Variants in BCKDHB observed in about 807,000 individuals in gnomAD.
The protein encoded by BCKDHB is branched chain keto acid dehydrogenase E1 subunit beta.
BCKDHB carries 41 observed loss-of-function variants against 48.5 expected under a neutral mutation model. The observed-to-expected ratio is 0.85, with a 90% CI of 0.66 to 1.10. The LOEUF is 1.10. Ranked by LOEUF, BCKDHB falls within the 50% of genes least tolerant of loss-of-function variation. The pLI is 0.00. For missense variants in BCKDHB, 496 were observed against 494.2 expected, an observed-to-expected ratio of 1.00 and a Z score of -0.03; for synonymous variants, 201 against 174.8, an observed-to-expected ratio of 1.15 and a Z score of -1.18.
At chr6:80,349,514 A>C (rs201455924), downstream of BCKDHB, among the ~76,000 whole-genome samples, 1 of 152,190 alleles carries the variant, frequency 6.6e-6, no homozygotes, top group East Asian at 1.9e-4. Flanking sequence ...ATTAATAAGA[A>C]AGAACTTAGA....
At chr6:80,249,532 G>A (rs1776751029) in intron 8 of BCKDHB, among the ~76,000 whole-genome samples, 1 of 152,100 alleles carries the variant, frequency 6.6e-6, no homozygotes, top group Admixed American at 6.6e-5. Context: ...GGGTGACCAG[G>A]ACATGTTGTA....
At chr6:80,271,543 G>A (rs982584898) in intron 8 of BCKDHB, among the ~76,000 whole-genome samples, 6 of 152,112 alleles carry the variant, frequency 3.9e-5, no homozygotes, top group Non-Finnish European at 7.4e-5. Context: ...ATTTGATTTT[G>A]GATAGGCCTG....
rs190162887 is a variant in BCKDHB, at chr6:80,271,319, A to C, written c.952-1816A>C. Among the ~76,000 whole-genome samples, 68 of 152,244 alleles carry C rather than the reference A, an allele frequency of 4.5e-4. No homozygotes were observed. In the East Asian group the frequency reaches 0.011, roughly 25 times the overall value. ...TATGTTGATGCATATTGGTCTATTT[A>C]GTCATTCCTCTGCTGAGGAGTGCTC... On this transcript the variant is annotated intron_variant, in intron 8 of 9. Transcript: ENST00000320393.
At chr6:80,310,859 G>C (rs1768116890) in intron 9 of BCKDHB, among the ~76,000 whole-genome samples, 1 of 149,782 alleles carries the variant, frequency 6.7e-6, no homozygotes, top group South Asian at 2.1e-4. Flanking sequence ...CAGTAATGTT[G>C]CACTTTTTTC....
the BCKDHB span, among the ~76,000 whole-genome samples, chr6:80,365,420 C>A: frequency 5.7e-4 from 86 of 152,120 alleles, no homozygotes; most frequent in Middle Eastern, 3.4e-3. Context: ...GGGTCTCCCC[C>A]CAGGAATGCA....
intron 8 of BCKDHB, among the ~76,000 whole-genome samples, chr6:80,234,375 A>G (rs1428530798): frequency 2.0e-5 from 3 of 152,000 alleles, no homozygotes; most frequent in Non-Finnish European, 4.4e-5. Context: ...GGCTATTATC[A>G]CAGATAGAAT....
At chr6:80,348,215 T>TA (rs67854118), downstream of BCKDHB, among the ~76,000 whole-genome samples, 20,423 of 151,494 alleles carry the variant, frequency 0.13, 1,515 homozygotes, top group African/African-American at 0.21. Context: ...TGTGTATATT[T>TA]AAAAAAAAAT....
rs1453390798 is a variant in BCKDHB at position 80,203,244 on chromosome 6, C to A, written c.951+32C>A. The A allele has an allele frequency of 4.8e-6, 7 of 1,462,992 alleles. 1 individual carries two copies. In the South Asian group the frequency reaches 8.0e-5, roughly 17 times the overall value. 90.6% of individuals were successfully genotyped at this position (1,462,992 alleles called of 1,614,324 possible). A position where few individuals can be genotyped will look rare whatever the true frequency, so the allele number is the denominator to read the frequency against. On this transcript the variant is annotated intron_variant, in intron 8 of 9. Transcript: ENST00000320393. ...ATATAATGGTGATAGAATGTCATTT[C>A]CCTGAAACCTTTGGCCAAATATGTT...
chr6:80,373,617 T>A, the BCKDHB span, among the ~76,000 whole-genome samples: 1 of 152,262 alleles, frequency 6.6e-6, no homozygotes, highest in Non-Finnish European at 1.5e-5. Flanking sequence ...AGTCCCCCAA[T>A]AGTATTGCAT....
the BCKDHB span, among the ~76,000 whole-genome samples, chr6:80,383,843 G>A: frequency 6.6e-6 from 1 of 151,676 alleles, no homozygotes; most frequent in Non-Finnish European, 1.5e-5. Flanking sequence ...TTAACATACA[G>A]TTAATTGTGT....
At chr6:80,122,589 A>G (rs1770088935) in intron 1 of BCKDHB, among the ~76,000 whole-genome samples, 1 of 152,186 alleles carries the variant, frequency 6.6e-6, no homozygotes, top group Admixed American at 6.5e-5. Context: ...CTGAGGCTCA[A>G]ACCAACAAGT....
intron 3 of BCKDHB, among the ~76,000 whole-genome samples, chr6:80,145,735 C>T (rs1293326268): frequency 6.6e-6 from 1 of 152,118 alleles, no homozygotes; most frequent in Non-Finnish European, 1.5e-5. Context: ...CTGAAATATG[C>T]TCAGTAGAGA....
At chr6:80,139,096 G>T in intron 3 of BCKDHB, among the ~76,000 whole-genome samples, 1 of 152,300 alleles carries the variant, frequency 6.6e-6, no homozygotes, top group African/African-American at 2.4e-5. Context: ...CTGCATAAAT[G>T]TCTTCTTCTG....
chr6:80,138,642 C>T (rs1457305916), intron 3 of BCKDHB, among the ~76,000 whole-genome samples: 2 of 152,154 alleles, frequency 1.3e-5, no homozygotes, highest in Non-Finnish European at 2.9e-5. Flanking sequence ...TTTATGGCTG[C>T]ATAGTATTCC....
the BCKDHB span, among the ~76,000 whole-genome samples, chr6:80,428,796 A>C: frequency 3.9e-5 from 6 of 152,224 alleles, no homozygotes; most frequent in East Asian, 1.2e-3. Context: ...GACAGATTGC[A>C]CAAATTTTCT....
the BCKDHB span, among the ~76,000 whole-genome samples, chr6:80,421,883 G>A: frequency 6.6e-6 from 1 of 152,298 alleles, no homozygotes; most frequent in South Asian, 2.1e-4. Flanking sequence ...GAACATAAAT[G>A]TTTAGAAAAT....
At chr6:80,163,854 A>G (rs926403221) in intron 3 of BCKDHB, among the ~76,000 whole-genome samples, 5 of 152,144 alleles carry the variant, frequency 3.3e-5, no homozygotes, top group Non-Finnish European at 7.3e-5. Context: ...CATCCTTAGT[A>G]TTGCTGTGAC....
chr6:80,350,415 A>G (rs983405328), downstream of BCKDHB, among the ~76,000 whole-genome samples: 1 of 151,878 alleles, frequency 6.6e-6, no homozygotes, highest in African/African-American at 2.4e-5. Context: ...ATTTTACTGT[A>G]TATGTCTGTA....
intron 1 of BCKDHB, among the ~76,000 whole-genome samples, chr6:80,119,565 C>T (rs892693882): frequency 6.6e-6 from 1 of 152,088 alleles, no homozygotes; most frequent in Admixed American, 6.5e-5. Flanking sequence ...AAGTGATCCG[C>T]ACCCCCCTTG....
Sources: gnomAD v4.1 joint callset for allele counts (sites outside exome capture counted in the v4.1 genomes callset) on GRCh38, gnomAD v4.1.1 for gene constraint, MANE v1.5 for transcripts, NCBI Gene and HGNC (gene_info 2026-07-23, HGNC 2026-07-21) for gene names.